Variants in GALNT18 observed in about 807,000 individuals in gnomAD.
GALNT18 encodes GalNAc-transferase 18.
GALNT18 carries 44 observed loss-of-function variants against 69.5 expected under a neutral mutation model. That is an observed-to-expected ratio of 0.63 (90% CI 0.50 to 0.81). GALNT18 has a LOEUF of 0.81. Ranked by LOEUF, GALNT18 falls within the 40% of genes least tolerant of loss-of-function variation. The pLI is 0.00. For missense variants in GALNT18, 715 were observed against 810.0 expected (o/e 0.88, Z 1.42); for synonymous variants, 364 against 318.2 (o/e 1.14, Z -1.53).
At chr11:11,551,119 C>T (rs949499300) in intron 1 of GALNT18, among the ~76,000 whole-genome samples, 1 of 146,476 alleles carries the variant, frequency 6.8e-6, no homozygotes, top group African/African-American at 2.5e-5. Flanking sequence ...AAGAAAATAA[C>T]CAAAAACATT....
chr11:11,464,602 A>G lies in GALNT18; in HGVS notation c.236-15666T>C, dbSNP rs970618301. Among the ~76,000 whole-genome samples the G allele has an allele frequency of 2.6e-5, 4 of 152,360 alleles. No homozygotes were observed. In the East Asian group the frequency reaches 7.7e-4, roughly 29 times the overall value. On this transcript the variant is annotated intron_variant, in intron 1 of 10. Coordinates refer to ENST00000227756, the MANE Select transcript of GALNT18 (RefSeq NM_198516.3). ...TACTTTTTTCTGAGTACCCACAGAA[A>G]AGTGAAAATTAAAGTCCATGAATTT...
rs147119029 is a variant in GALNT18, at chr11:11,500,528, G to A, written c.236-51592C>T. On this transcript the variant is annotated intron_variant, in intron 1 of 10. Transcript: ENST00000227756. The surrounding 1 kb of genome is among the most constrained non-coding windows in gnomAD (Gnocchi z 5.0). ...CATCGTGGTGGGTGGATGGAGATGC[G>A]CCATGGGCATCTCTCAGTAGAAGGC... Among the ~76,000 whole-genome samples, 48 of 152,278 alleles carry A rather than the reference G, an allele frequency of 3.2e-4. No homozygotes were observed. The highest frequency in any genetic ancestry group is 1.1e-3 in the African/African-American group (44 of 41,558).
rs1169317365 is a variant in GALNT18 at position 11,436,238 on chromosome 11, C to G, written c.429-3451G>C. ...GCCACCTTCCCTCTCTGCTCTATGT[C>G]TTGGTCACAGAATAAGGAAATGGGA... On this transcript the variant is annotated intron_variant, in intron 2 of 10. Transcript: ENST00000227756. The surrounding 1 kb of genome is among the most constrained non-coding windows in gnomAD (Gnocchi z 4.5). 1.3e-5 allele frequency among the ~76,000 whole-genome samples: 2 copies of G among 152,228 alleles called. No individual in the cohort carries two copies. Among genetic ancestry groups the G allele is most frequent in the Non-Finnish European group, 2.9e-5 (2 of 68,040 alleles).
In GALNT18 at chr11:11,586,989, C is replaced by CAGATAAAT. The variant is rs1554955070; in HGVS notation, c.235+34369_235+34370insATTTATCT. Among the ~76,000 whole-genome samples the CAGATAAAT allele has an allele frequency of 6.6e-6, 1 of 151,550 alleles. No homozygotes were observed. The highest frequency in any genetic ancestry group is 2.4e-5 in the African/African-American group (1 of 41,070). On this transcript the variant is annotated intron_variant, in intron 1 of 10. Transcript: ENST00000227756. This position sits in a 1 kb window ranked among gnomAD's most constrained non-coding sequence, Gnocchi z 4.1. ...GGGAACAAGAGTGAAACCCCATCTC[C>CAGATAAAT]AAATAAATAAATAAATAAATAAATA...
intron 10 of GALNT18, among the ~76,000 whole-genome samples, chr11:11,276,419 A>G (rs112100756): frequency 1.7e-3 from 254 of 152,278 alleles, no homozygotes; most frequent in African/African-American, 5.2e-3. Flanking sequence ...CAGCTTAAGG[A>G]GATTTGGGGC....
chr11:11,582,147 T>G lies in GALNT18; in HGVS notation c.235+39212A>C, dbSNP rs1432334604. Among the ~76,000 whole-genome samples, 1 of 152,022 alleles carries G rather than the reference T, an allele frequency of 6.6e-6. No individual in the cohort carries two copies. On this transcript the variant is annotated intron_variant, in intron 1 of 10. Transcript: ENST00000227756. This position sits in a 1 kb window ranked among gnomAD's most constrained non-coding sequence, Gnocchi z 5.0. Reference sequence around the variant, plus strand: ...AGAGGTGACATATGGGGAAGAGGGCTGAACAAAGTGAAGAGGGCATTCCCG... The same window carrying G: ...AGAGGTGACATATGGGGAAGAGGGCGGAACAAAGTGAAGAGGGCATTCCCG...
intron 1 of GALNT18, among the ~76,000 whole-genome samples, chr11:11,611,035 T>C (rs1223942186): frequency 6.6e-6 from 1 of 152,200 alleles, no homozygotes; most frequent in Non-Finnish European, 1.5e-5. Context: ...AAATCTGTAA[T>C]GGAAGATCAA....
At chr11:11,510,071 T>G (rs1327138620) in intron 1 of GALNT18, among the ~76,000 whole-genome samples, 2 of 152,020 alleles carry the variant, frequency 1.3e-5, no homozygotes, top group Admixed American at 6.6e-5. Context: ...ACCAACTACA[T>G]GCAGATGCTG....
chr11:11,590,963 G>T lies in GALNT18; in HGVS notation c.235+30396C>A, dbSNP rs1203767327. On this transcript the variant is annotated intron_variant, in intron 1 of 10. Transcript: ENST00000227756. This position sits in a 1 kb window ranked among gnomAD's most constrained non-coding sequence, Gnocchi z 4.4. ...ATATTATATTTTTACTATTATTTTA[G>T]AATATATTCCTTCTACTTAATTTTT... Among the ~76,000 whole-genome samples, 9 of 152,060 alleles carry T rather than the reference G, an allele frequency of 5.9e-5. No individual in the cohort carries two copies. The highest frequency in any genetic ancestry group is 1.7e-4 in the African/African-American group (7 of 41,382).
At chr11:11,443,722 C>G (rs769564149) in intron 2 of GALNT18, among the ~76,000 whole-genome samples, 4 of 152,238 alleles carry the variant, frequency 2.6e-5, no homozygotes, top group Non-Finnish European at 4.4e-5. Context: ...TGAACCCCTG[C>G]CCAGTCCTGG....
chr11:11,620,741 G>C lies in GALNT18; in HGVS notation c.235+618C>G, dbSNP rs1414296161. On this transcript the variant is annotated intron_variant, in intron 1 of 10. Coordinates refer to ENST00000227756, the MANE Select transcript of GALNT18 (RefSeq NM_198516.3). The surrounding 1 kb of genome is among the most constrained non-coding windows in gnomAD (Gnocchi z 6.9). ...TCCTGGACCCGCGGGCTGTGGTGGG[G>C]GTAGGGACTGCTATAGGTTCAAGCG... Among the ~76,000 whole-genome samples, 2 of 152,142 alleles carry C rather than the reference G, an allele frequency of 1.3e-5. No homozygotes were observed. Among genetic ancestry groups the C allele is most frequent in the Admixed American group, 6.5e-5 (1 of 15,284 alleles).
chr11:11,479,445 C>T (rs1445568736), intron 1 of GALNT18, among the ~76,000 whole-genome samples: 5 of 152,064 alleles, frequency 3.3e-5, no homozygotes, highest in Non-Finnish European at 5.9e-5. Context: ...AATCAGAAAA[C>T]AGTGGTGCCA....
At chr11:11,384,153 G>A (rs1201507160) in intron 3 of GALNT18, among the ~76,000 whole-genome samples, 1 of 152,022 alleles carries the variant, frequency 6.6e-6, no homozygotes, top group Non-Finnish European at 1.5e-5. Flanking sequence ...TGGACTGAGT[G>A]TTTATTTATT....
chr11:11,620,296 G>A lies in GALNT18; in HGVS notation c.235+1063C>T, dbSNP rs1371530471. Among the ~76,000 whole-genome samples the A allele has an allele frequency of 1.4e-5, 2 of 145,066 alleles. No individual in the cohort carries two copies. The highest frequency in any genetic ancestry group is 1.4e-4 in the Admixed American group (2 of 14,560). ...TGGAAGAAAGCAGGGGGCGCGGGGA[G>A]GGGAGGAAGTGTGGACGTGAGCGCG... On this transcript the variant is annotated intron_variant, in intron 1 of 10. Transcript: ENST00000227756. The surrounding 1 kb of genome is among the most constrained non-coding windows in gnomAD (Gnocchi z 6.9).
chr11:11,539,603 G>A (rs58760039), intron 1 of GALNT18, among the ~76,000 whole-genome samples: 3,793 of 152,238 alleles, frequency 0.025, 169 homozygotes, highest in African/African-American at 0.088. Flanking sequence ...AAACAATCAT[G>A]ATGTTGAATT....
chr11:11,481,634 A>T (rs987456065), intron 1 of GALNT18, among the ~76,000 whole-genome samples: 1 of 152,186 alleles, frequency 6.6e-6, no homozygotes, highest in African/African-American at 2.4e-5. Context: ...GGCCTGCCCT[A>T]GTGTAGTAGA....
Position 11,604,433 on chromosome 11 carries a change from G to A in GALNT18, c.235+16926C>T, listed in dbSNP as rs1004206952. 1.3e-5 allele frequency among the ~76,000 whole-genome samples: 2 copies of A among 152,102 alleles called. No individual in the cohort carries two copies. The highest frequency in any genetic ancestry group is 2.9e-5 in the Non-Finnish European group (2 of 68,010). Reference sequence around the variant, plus strand: ...CCTGATCCCACACTGCTGGAGAGTGGGGAAGGACAGGGTGGACAAGCGATC... The same window carrying A: ...CCTGATCCCACACTGCTGGAGAGTGAGGAAGGACAGGGTGGACAAGCGATC... On this transcript the variant is annotated intron_variant, in intron 1 of 10. Coordinates refer to ENST00000227756, the MANE Select transcript of GALNT18 (RefSeq NM_198516.3). This position sits in a 1 kb window ranked among gnomAD's most constrained non-coding sequence, Gnocchi z 5.6.
Position 11,270,961 on chromosome 11 carries a change from C to T in GALNT18, c.*183G>A, listed in dbSNP as rs1219126395. Reference sequence around the variant, plus strand: ...ACTGCAAAATAGTTTGATATCATACCATCACCTACCAATCAGCATCTTTCT... The same window carrying T: ...ACTGCAAAATAGTTTGATATCATACTATCACCTACCAATCAGCATCTTTCT... On this transcript the variant is annotated 3_prime_UTR_variant, in exon 11 of 11. Coordinates refer to ENST00000227756, the MANE Select transcript of GALNT18 (RefSeq NM_198516.3). 7 of 516,400 alleles carry T rather than the reference C, an allele frequency of 1.4e-5. No homozygotes were observed. Among genetic ancestry groups the T allele is most frequent in the East Asian group, 2.9e-5 (1 of 35,068 alleles). 32.0% of individuals were successfully genotyped at this position (516,400 alleles called of 1,614,324 possible).
rs980132336 is a variant in GALNT18 at position 11,511,189 on chromosome 11, T to C, written c.236-62253A>G. Among the ~76,000 whole-genome samples, 6 of 152,150 alleles carry C rather than the reference T, an allele frequency of 3.9e-5. No individual in the cohort carries two copies. Among genetic ancestry groups the C allele is most frequent in the Non-Finnish European group, 7.3e-5 (5 of 68,028 alleles). ...AGGTTTCTCGCTGTGAATAATGGCATTGAAGTATTCAAGGGCTGCATTCAG... is the reference window on the plus strand; with the variant it reads ...AGGTTTCTCGCTGTGAATAATGGCACTGAAGTATTCAAGGGCTGCATTCAG... On this transcript the variant is annotated intron_variant, in intron 1 of 10. Coordinates refer to ENST00000227756, the MANE Select transcript of GALNT18 (RefSeq NM_198516.3). This position sits in a 1 kb window ranked among gnomAD's most constrained non-coding sequence, Gnocchi z 4.9.
Sources: gnomAD v4.1 joint callset for allele counts (sites outside exome capture counted in the v4.1 genomes callset) on GRCh38, gnomAD v4.1.1 for gene constraint, Gnocchi (gnomAD v3.1) non-coding constraint, MANE v1.5 for transcripts, NCBI Gene and HGNC (gene_info 2026-07-23, HGNC 2026-07-21) for gene names.